The following PAFAH1B1 variants were observed in gnomAD, a reference collection of about 807,000 sequenced individuals.
PAFAH1B1 encodes the protein platelet-activating factor acetylhydrolase IB subunit beta.
PAFAH1B1 carries 2 observed loss-of-function variants against 57.5 expected under a neutral mutation model. The observed-to-expected ratio is 0.03, with a 90% confidence interval of 0.01 to 0.11. The LOEUF is 0.11. PAFAH1B1 is among the 10% of genes least tolerant of loss of function. PAFAH1B1 has a pLI of 1.00. For synonymous variants in PAFAH1B1, 152 were observed against 169.6 expected, an observed-to-expected ratio of 0.90 and a Z score of 0.81; for missense variants, 257 against 512.0, an observed-to-expected ratio of 0.50 and a Z score of 4.81.
At chr17:2,662,230 C>T (rs1463669379) in intron 2 of PAFAH1B1, among the ~76,000 whole-genome samples, 1 of 151,948 alleles carries the variant, frequency 6.6e-6, no homozygotes, top group Non-Finnish European at 1.5e-5. Context: ...TAATTTCATT[C>T]GTTATGTTTG....
At chr17:2,627,053 T>C (rs2068503250) in intron 1 of PAFAH1B1, among the ~76,000 whole-genome samples, 1 of 152,232 alleles carries the variant, frequency 6.6e-6, no homozygotes, top group African/African-American at 2.4e-5. Context: ...GTCTGTTTAC[T>C]CTGCTGATTG....
chr17:2,608,748 G>A (rs1175815689), intron 1 of PAFAH1B1, among the ~76,000 whole-genome samples: 2 of 152,198 alleles, frequency 1.3e-5, no homozygotes, highest in African/African-American at 2.4e-5. Context: ...AACCGGGTGC[G>A]ACCTCATCTC....
intron 9 of PAFAH1B1, 80 bp from the exon 10 acceptor site, chr17:2,680,084 A>G: frequency 8.0e-7 from 1 of 1,245,314 alleles, no homozygotes; most frequent in East Asian, 2.3e-5. Context: ...TTTGGTATGT[A>G]TAGTTTTATC....
intron 2 of PAFAH1B1, among the ~76,000 whole-genome samples, chr17:2,649,106 G>A (rs2068814022): frequency 6.6e-6 from 1 of 150,466 alleles, no homozygotes; most frequent in Non-Finnish European, 1.5e-5. Flanking sequence ...AGCACTTTGG[G>A]ATGTCGAGGC....
At chr17:2,659,861 C>T (rs575920198) in intron 2 of PAFAH1B1, among the ~76,000 whole-genome samples, 40 of 152,078 alleles carry the variant, frequency 2.6e-4, no homozygotes, top group Non-Finnish European at 4.9e-4. Flanking sequence ...GCCTTGTTAC[C>T]TGTTTGAGAC....
chr17:2,595,081 A>G (rs2068070325), intron 1 of PAFAH1B1, among the ~76,000 whole-genome samples: 1 of 152,212 alleles, frequency 6.6e-6, no homozygotes, highest in South Asian at 2.1e-4. Context: ...CTTTTGGTTA[A>G]GAAAATACGC....
chr17:2,646,964 G>C (rs1567544605), intron 2 of PAFAH1B1, among the ~76,000 whole-genome samples: 1 of 152,142 alleles, frequency 6.6e-6, no homozygotes, highest in Admixed American at 6.6e-5. Context: ...AGGCATGGTG[G>C]CTCACACCTG....
intron 2 of PAFAH1B1, among the ~76,000 whole-genome samples, chr17:2,646,702 T>C (rs1597549463): frequency 6.6e-6 from 1 of 152,158 alleles, no homozygotes. Flanking sequence ...GGGTGCTTTT[T>C]CTAGGAAAAT....
At chr17:2,679,863 T>C (rs1202090730) in intron 9 of PAFAH1B1, 2 of 372,008 alleles carry the variant, frequency 5.4e-6, no homozygotes, top group Admixed American at 8.7e-5. Flanking sequence ...AAAATAAAAT[T>C]ATTCACACTC....
chr17:2,673,887 G>A (rs1446633997), intron 7 of PAFAH1B1, 173 bp from the exon 8 acceptor site: 3 of 610,052 alleles, frequency 4.9e-6, no homozygotes, highest in Non-Finnish European at 9.0e-6. Context: ...TTAATGATAT[G>A]TCTGTTAGCT....
intron 4 of PAFAH1B1, 108 bp downstream of exon 4, chr17:2,666,198 A>G: frequency 9.6e-7 from 1 of 1,044,404 alleles, no homozygotes; most frequent in South Asian, 1.5e-5. Context: ...TTTAAAAAGC[A>G]AATAAAAATA....
chr17:2,593,568 C>T (rs1051338472), upstream of PAFAH1B1, among the ~76,000 whole-genome samples: 6 of 149,946 alleles, frequency 4.0e-5, no homozygotes, highest in Non-Finnish European at 7.4e-5. Flanking sequence ...GCGCCCGCCC[C>T]TCCCTCTTCC....
intron 2 of PAFAH1B1, among the ~76,000 whole-genome samples, chr17:2,653,500 G>A (rs2068895319): frequency 6.6e-6 from 1 of 151,750 alleles, no homozygotes; most frequent in Admixed American, 6.6e-5. Flanking sequence ...GATCTTGTTA[G>A]TGACTCAGCT....
At chr17:2,636,664 G>A (rs958449941) in intron 1 of PAFAH1B1, among the ~76,000 whole-genome samples, 6 of 152,064 alleles carry the variant, frequency 3.9e-5, no homozygotes, top group African/African-American at 1.2e-4. Context: ...CTCCCAAAGT[G>A]CTAGGTTTGC....
chr17:2,667,782 T>C (rs2069127349), intron 5 of PAFAH1B1, among the ~76,000 whole-genome samples: 1 of 151,974 alleles, frequency 6.6e-6, no homozygotes, highest in African/African-American at 2.4e-5. Context: ...CTTTTCATTT[T>C]ATAAATTACG....
intron 2 of PAFAH1B1, among the ~76,000 whole-genome samples, chr17:2,654,784 G>T (rs368288299): frequency 8.4e-4 from 128 of 152,022 alleles, no homozygotes; most frequent in African/African-American, 2.8e-3. Context: ...TGGGACTACA[G>T]GTGTGTGCCA....
chr17:2,679,067 TGTTCAACTGTGCA>T (rs2069320765), intron 9 of PAFAH1B1, among the ~76,000 whole-genome samples: 1 of 152,232 alleles, frequency 6.6e-6, no homozygotes, highest in African/African-American at 2.4e-5. Flanking sequence ...GTAGCTACCA[TGTTCAACTGTGCA>T]GTTCTAAGCC....
rs2069361662 is a variant in PAFAH1B1, at chr17:2,680,316, C to A, written c.1155C>A (p.Ser385=). 2 of 1,613,760 alleles carry A rather than the reference C, an allele frequency of 1.2e-6. No homozygotes were observed. Among genetic ancestry groups the A allele is most frequent in the Non-Finnish European group, 1.7e-6 (2 of 1,179,814 alleles). The change falls in exon 10 of 11, where the codon TCC becomes TCA. Residue 385 remains serine, a synonymous_variant. Transcript: ENST00000397195. ...TLNAHEHFVT[S]LDFHKTAPYV... ...ATGCGCATGAACACTTTGTTACCTC[C>A]TTGGGTATGTACGCCTCGCGAGGTC...
At chr17:2,647,092 G>A (rs1224799979) in intron 2 of PAFAH1B1, among the ~76,000 whole-genome samples, 2 of 152,298 alleles carry the variant, frequency 1.3e-5, no homozygotes, top group East Asian at 3.9e-4. Context: ...GCTCATGCCT[G>A]TAATCACAGC....
Sources: gnomAD v4.1 joint callset for allele counts (sites outside exome capture counted in the v4.1 genomes callset) on GRCh38, gnomAD v4.1.1 for gene constraint, MANE v1.5 for transcripts, NCBI Gene and HGNC (gene_info 2026-07-23, HGNC 2026-07-21) for gene names.